The following C3orf20 variants were observed in gnomAD, a reference collection of about 807,000 sequenced individuals.
The protein encoded by C3orf20 is uncharacterized protein C3orf20.
Under a neutral mutation model 88.3 loss-of-function variants are expected in C3orf20, and 76 were observed. The observed-to-expected ratio is 0.86, with a 90% CI of 0.72 to 1.04. The LOEUF (loss-of-function observed/expected upper bound fraction) is 1.04. C3orf20 is among the 50% of genes least tolerant of loss of function. The pLI, the probability that C3orf20 is intolerant of heterozygous loss-of-function variation, is 0.00. For synonymous variants in C3orf20, 436 were observed against 437.4 expected (o/e 1.00, Z 0.04); for missense variants, 1,056 against 1,123.3 (o/e 0.94, Z 0.86).
intron 7 of C3orf20, among the ~76,000 whole-genome samples, chr3:14,708,343 T>C (rs1328205378): frequency 6.6e-6 from 1 of 152,192 alleles, no homozygotes; most frequent in African/African-American, 2.4e-5. Flanking sequence ...TATAGATGTA[T>C]GGGTTTATTT....
intron 12 of C3orf20, among the ~76,000 whole-genome samples, chr3:14,732,907 G>T (rs1031863420): frequency 6.6e-5 from 10 of 152,232 alleles, no homozygotes; most frequent in African/African-American, 2.2e-4. Flanking sequence ...AAGTTTGTTT[G>T]TTTTACATAT....
intron 12 of C3orf20, among the ~76,000 whole-genome samples, chr3:14,754,442 A>G (rs2035305590): frequency 6.6e-6 from 1 of 152,216 alleles, no homozygotes; most frequent in African/African-American, 2.4e-5. Context: ...CATTCCATGG[A>G]TGCTACTGAG....
chr3:14,715,217 C>A (rs1391269072), intron 8 of C3orf20, 72 bp from the exon 9 acceptor site: 27 of 1,565,700 alleles, frequency 1.7e-5, no homozygotes, highest in Non-Finnish European at 1.7e-6. Context: ...GACCTGTCTG[C>A]CCATAACCTG....
intron 9 of C3orf20, among the ~76,000 whole-genome samples, chr3:14,719,007 T>C (rs1031898855): frequency 6.6e-6 from 1 of 152,206 alleles, no homozygotes; most frequent in Non-Finnish European, 1.5e-5. Context: ...GCCATGACTG[T>C]GGCCTGCCTT....
At chr3:14,748,569 T>C (rs567919769) in intron 12 of C3orf20, among the ~76,000 whole-genome samples, 5 of 152,316 alleles carry the variant, frequency 3.3e-5, no homozygotes, top group African/African-American at 1.2e-4. Flanking sequence ...TTTTCTTCTC[T>C]TTTAATGTAG....
chr3:14,739,701 G>A (rs539421799), intron 12 of C3orf20, among the ~76,000 whole-genome samples: 2 of 152,318 alleles, frequency 1.3e-5, no homozygotes, highest in South Asian at 2.1e-4. Flanking sequence ...TTTATAATCT[G>A]TTGTTTAGTA....
intron 12 of C3orf20, among the ~76,000 whole-genome samples, chr3:14,742,759 A>G (rs1181364933): frequency 6.6e-6 from 1 of 152,200 alleles, no homozygotes; most frequent in Non-Finnish European, 1.5e-5. Context: ...CCTCAGAATC[A>G]TGGTGGGAGG....
At chr3:14,751,259 A>G (rs1559439935) in intron 12 of C3orf20, among the ~76,000 whole-genome samples, 1 of 152,226 alleles carries the variant, frequency 6.6e-6, no homozygotes, top group African/African-American at 2.4e-5. Flanking sequence ...GTGGTTGAAG[A>G]TGGCTGAATA....
intron 5 of C3orf20, among the ~76,000 whole-genome samples, chr3:14,702,247 T>G (rs984620614): frequency 6.6e-6 from 1 of 152,106 alleles, no homozygotes; most frequent in African/African-American, 2.4e-5. Context: ...CCATCAGATC[T>G]CATGAAACTT....
At chr3:14,727,284 C>G (rs778373570) in intron 11 of C3orf20, among the ~76,000 whole-genome samples, 1 of 152,176 alleles carries the variant, frequency 6.6e-6, no homozygotes, top group Admixed American at 6.5e-5. Flanking sequence ...TCTTGCACAT[C>G]TCCATGAGAT....
At position 14,761,517 on chromosome 3, in the gene C3orf20, T is replaced by C; in HGVS notation, c.2397T>C (p.Asn799=). ...GKLIFGGRVL[N]GYGLSKQNLL... ...TCATTTTTGGGGGCCGTGTTTTGAA[T>C]GGATATGGCCTCAGCAAGCAGAATC... Residue 799 remains asparagine (N), a synonymous_variant, in exon 15 of 17, where the codon AAT becomes AAC. Transcript: ENST00000253697. The C allele has an allele frequency of 6.2e-7, 1 of 1,614,036 alleles. No homozygotes were observed. Among genetic ancestry groups the C allele is most frequent in the Non-Finnish European group, 8.5e-7 (1 of 1,179,984 alleles).
intron 12 of C3orf20, among the ~76,000 whole-genome samples, chr3:14,747,713 A>C (rs758108622): frequency 6.6e-6 from 1 of 152,186 alleles, no homozygotes; most frequent in Non-Finnish European, 1.5e-5. Context: ...TAGTCTCATC[A>C]ATTTTGGTCT....
At chr3:14,718,560 G>C (rs74472770) in intron 9 of C3orf20, among the ~76,000 whole-genome samples, 1 of 152,074 alleles carries the variant, frequency 6.6e-6, no homozygotes, top group Non-Finnish European at 1.5e-5. Context: ...TTGATTATCT[G>C]TTGCTTTGAA....
At chr3:14,702,555 C>G (rs1169604172) in intron 5 of C3orf20, among the ~76,000 whole-genome samples, 2 of 151,710 alleles carry the variant, frequency 1.3e-5, no homozygotes, top group Non-Finnish European at 2.9e-5. Flanking sequence ...ATTCTACTGC[C>G]TCAGCCTCCT....
chr3:14,698,799 C>G (rs2033121997), intron 5 of C3orf20, among the ~76,000 whole-genome samples: 1 of 152,180 alleles, frequency 6.6e-6, no homozygotes, highest in South Asian at 2.1e-4. Flanking sequence ...TGCTCAAGGC[C>G]CTAGGGATCT....
At chr3:14,742,050 C>A (rs970914102) in intron 12 of C3orf20, among the ~76,000 whole-genome samples, 1 of 152,200 alleles carries the variant, frequency 6.6e-6, no homozygotes. Context: ...GGTCTGGTGT[C>A]TGACTTATGC....
At chr3:14,677,279 G>C (rs747562458) in intron 1 of C3orf20, among the ~76,000 whole-genome samples, 1 of 152,174 alleles carries the variant, frequency 6.6e-6, no homozygotes, top group Non-Finnish European at 1.5e-5. Flanking sequence ...TGCCAGTAAA[G>C]GGGTGGAGGT....
chr3:14,759,465 A>T (rs1421183222), intron 13 of C3orf20, among the ~76,000 whole-genome samples: 1 of 152,106 alleles, frequency 6.6e-6, no homozygotes, highest in Non-Finnish European at 1.5e-5. Context: ...GGGGCTTGCC[A>T]GGAGTGGGTA....
intron 12 of C3orf20, among the ~76,000 whole-genome samples, chr3:14,750,809 T>C (rs2035198516): frequency 6.6e-6 from 1 of 152,182 alleles, no homozygotes; most frequent in Non-Finnish European, 1.5e-5. Flanking sequence ...TTTGAATTTG[T>C]TAAGCTATTT....
Sources: gnomAD v4.1 joint callset for allele counts (sites outside exome capture counted in the v4.1 genomes callset) on GRCh38, gnomAD v4.1.1 for gene constraint, MANE v1.5 for transcripts, NCBI Gene and HGNC (gene_info 2026-07-23, HGNC 2026-07-21) for gene names.